The following ASIC2 variants were observed in gnomAD, a reference collection of about 807,000 sequenced individuals.
ASIC2 encodes the protein acid sensing ion channel subunit 2.
ASIC2 carries 25 observed loss-of-function variants against 57.3 expected under a neutral mutation model. The ratio of observed to expected loss-of-function variants is 0.44; its 90% CI spans 0.32 to 0.61. The LOEUF is 0.61. ASIC2 is among the 20% of genes least tolerant of loss of function. The pLI is 0.06. For synonymous variants in ASIC2, 319 were observed against 307.5 expected (o/e 1.04, Z -0.39); for missense variants, 641 against 738.1 (o/e 0.87, Z 1.52).
intron 1 of ASIC2, among the ~76,000 whole-genome samples, chr17:34,130,988 G>A (rs1911937022): frequency 6.6e-6 from 1 of 152,164 alleles, no homozygotes; most frequent in Admixed American, 6.5e-5. Context: ...CGCGGAAAAA[G>A]CTGCATTGGA....
intron 1 of ASIC2, among the ~76,000 whole-genome samples, chr17:33,720,262 G>T (rs1219660588): frequency 6.6e-6 from 1 of 152,098 alleles, no homozygotes; most frequent in Non-Finnish European, 1.5e-5. Context: ...AAAGTAAGTG[G>T]GATCTCCAGA....
chr17:33,847,400 C>T (rs1286722892), intron 1 of ASIC2, among the ~76,000 whole-genome samples: 1 of 152,068 alleles, frequency 6.6e-6, no homozygotes, highest in Non-Finnish European at 1.5e-5. Context: ...AGACAGCCCC[C>T]ATCATCAACA....
intron 3 of ASIC2, among the ~76,000 whole-genome samples, chr17:33,061,484 A>G (rs1360493969): frequency 2.0e-5 from 3 of 152,190 alleles, no homozygotes; most frequent in Non-Finnish European, 4.4e-5. Flanking sequence ...GCGTATGTTG[A>G]ACCAGCCTTG....
chr17:33,233,620 GT>G (rs1201465242), intron 1 of ASIC2, among the ~76,000 whole-genome samples: 156 of 145,892 alleles, frequency 1.1e-3, no homozygotes, highest in Non-Finnish European at 1.6e-3. Context: ...CTTTCAACTG[GT>G]TTTTTTTTTT....
chr17:33,688,164 G>A (rs995903626), intron 1 of ASIC2, among the ~76,000 whole-genome samples: 9 of 152,174 alleles, frequency 5.9e-5, no homozygotes, highest in African/African-American at 2.2e-4. Flanking sequence ...TAGCCTGCTG[G>A]CCTCTTAGTT....
intron 1 of ASIC2, among the ~76,000 whole-genome samples, chr17:33,759,811 T>A (rs951027629): frequency 2.6e-5 from 4 of 152,074 alleles, no homozygotes; most frequent in African/African-American, 9.7e-5. Context: ...GCTAATTCTA[T>A]AGGATGACAG....
At chr17:33,629,947 C>T (rs1385199055) in intron 1 of ASIC2, among the ~76,000 whole-genome samples, 1 of 152,194 alleles carries the variant, frequency 6.6e-6, no homozygotes, top group Admixed American at 6.5e-5. Context: ...GGGGCTTGTT[C>T]AAGACTTGGG....
At chr17:34,091,213 T>C (rs1200884450) in intron 1 of ASIC2, among the ~76,000 whole-genome samples, 4 of 152,244 alleles carry the variant, frequency 2.6e-5, no homozygotes, top group Non-Finnish European at 4.4e-5. Flanking sequence ...AGATAAAGTC[T>C]CAACCTCTTT....
chr17:33,553,937 G>A (rs192695452), intron 1 of ASIC2, among the ~76,000 whole-genome samples: 25 of 152,298 alleles, frequency 1.6e-4, no homozygotes, highest in Admixed American at 1.6e-3. Context: ...GCAGGTAGAC[G>A]TTGAATCTGA....
At chr17:33,254,029 A>T (rs565410223) in intron 1 of ASIC2, among the ~76,000 whole-genome samples, 1 of 152,236 alleles carries the variant, frequency 6.6e-6, no homozygotes, top group African/African-American at 2.4e-5. Context: ...GAAGAGAGGA[A>T]CCTATTTCTT....
chr17:33,780,193 A>G (rs1169433445), intron 1 of ASIC2, among the ~76,000 whole-genome samples: 1 of 150,980 alleles, frequency 6.6e-6, no homozygotes, highest in Non-Finnish European at 1.5e-5. Flanking sequence ...CTGGTCTTGA[A>G]CTCCTGACCT....
chr17:33,827,446 C>T (rs1912962524), intron 1 of ASIC2, among the ~76,000 whole-genome samples: 1 of 150,058 alleles, frequency 6.7e-6, no homozygotes, highest in South Asian at 2.1e-4. Flanking sequence ...GTTCTCCTGC[C>T]TCAGCCTCCC....
At chr17:33,041,662 G>T (rs1030878020) in intron 3 of ASIC2, among the ~76,000 whole-genome samples, 2 of 152,246 alleles carry the variant, frequency 1.3e-5, no homozygotes, top group Non-Finnish European at 2.9e-5. Flanking sequence ...TGCTCCTTCT[G>T]TGGGTGTCAG....
chr17:33,081,919 A>G (rs954910064), intron 3 of ASIC2, among the ~76,000 whole-genome samples: 3 of 152,198 alleles, frequency 2.0e-5, no homozygotes, highest in Non-Finnish European at 4.4e-5. Context: ...GCAAGACCTA[A>G]GTATTCTTAT....
chr17:33,965,127 T>G lies in ASIC2; in HGVS notation c.555+190851A>C, dbSNP rs9910498. 2.2e-4 allele frequency among the ~76,000 whole-genome samples: 33 copies of G among 152,304 alleles called. 1 individual carries two copies. In the South Asian group the frequency reaches 6.8e-3, roughly 32 times the overall value. ...AAGAGGAAAGGAAGGGAGACGGCTC[T>G]TATTGAATGCCTATCATATGTCAAA... On this transcript the variant is annotated intron_variant, in intron 1 of 9. Transcript: ENST00000359872.
intron 1 of ASIC2, among the ~76,000 whole-genome samples, chr17:34,101,719 C>T (rs1910871023): frequency 6.6e-6 from 1 of 152,112 alleles, no homozygotes; most frequent in African/African-American, 2.4e-5. Flanking sequence ...ATGTAAGTCT[C>T]CGTACGTGTT....
intron 8 of ASIC2, among the ~76,000 whole-genome samples, 188 bp downstream of exon 8, chr17:33,017,417 C>G (rs1482491589): frequency 6.6e-6 from 1 of 152,162 alleles, no homozygotes; most frequent in African/African-American, 2.4e-5. Flanking sequence ...CCACCGCCCC[C>G]CAAAAACCTC....
At chr17:33,105,078 G>A (rs137862645) in intron 2 of ASIC2, among the ~76,000 whole-genome samples, 253 of 152,304 alleles carry the variant, frequency 1.7e-3, no homozygotes, top group African/African-American at 5.7e-3. Context: ...GAGCCAGACA[G>A]TCCAAGGTCT....
intron 1 of ASIC2, among the ~76,000 whole-genome samples, chr17:33,149,172 AT>A: frequency 6.6e-6 from 1 of 152,320 alleles, no homozygotes; most frequent in Admixed American, 6.5e-5. Context: ...TCAGTTTCAG[AT>A]TTTTGTTTTG....
Sources: gnomAD v4.1 joint callset for allele counts (sites outside exome capture counted in the v4.1 genomes callset) on GRCh38, gnomAD v4.1.1 for gene constraint, MANE v1.5 for transcripts, NCBI Gene and HGNC (gene_info 2026-07-23, HGNC 2026-07-21) for gene names.